EMCN: variants seen among roughly 807,000 people sequenced by gnomAD.
The protein encoded by EMCN is endomucin, also known as MUC-14.
A neutral mutation model predicts 38.4 loss-of-function variants in EMCN; 37 were observed. The observed-to-expected ratio is 0.96, with a 90% CI of 0.74 to 1.27. The LOEUF is 1.27. EMCN is among the 50% of genes most tolerant of loss of function. EMCN has a pLI of 0.00. For synonymous variants in EMCN, 95 were observed against 100.8 expected, an observed-to-expected ratio of 0.94 and a Z score of 0.35; for missense variants, 318 against 302.8, an observed-to-expected ratio of 1.05 and a Z score of -0.37.
chr4:100,515,703 T>C (rs1486387200), intron 1 of EMCN, among the ~76,000 whole-genome samples: 2 of 152,100 alleles, frequency 1.3e-5, no homozygotes, highest in Non-Finnish European at 2.9e-5. Flanking sequence ...TGATGAAATA[T>C]GTTAATCATT....
intron 7 of EMCN, among the ~76,000 whole-genome samples, chr4:100,422,061 T>C (rs1726904599): frequency 6.6e-6 from 1 of 151,962 alleles, no homozygotes; most frequent in Non-Finnish European, 1.5e-5. Flanking sequence ...ATTTCCAAGG[T>C]TAAAAGTACA....
intron 11 of EMCN, among the ~76,000 whole-genome samples, chr4:100,407,148 A>G (rs1315575658): frequency 6.6e-6 from 1 of 152,174 alleles, no homozygotes; most frequent in African/African-American, 2.4e-5. Context: ...TAAAGACAGC[A>G]TACACTTGGG....
chr4:100,423,474 T>C, intron 5 of EMCN, 70 bp from the exon 6 acceptor site: 1 of 1,094,722 alleles, frequency 9.1e-7, no homozygotes, highest in East Asian at 2.4e-5. Context: ...CTTTGCAGAT[T>C]CAAACAGTTT....
At chr4:100,425,187 T>A (rs1025087693) in intron 5 of EMCN, among the ~76,000 whole-genome samples, 4 of 45,582 alleles carry the variant, frequency 8.8e-5, no homozygotes, top group Admixed American at 6.3e-4. Flanking sequence ...ACACACACAA[T>A]TACTGCTCAT....
intron 1 of EMCN, among the ~76,000 whole-genome samples, chr4:100,517,271 A>G (rs1474938418): frequency 6.6e-6 from 1 of 151,964 alleles, no homozygotes; most frequent in Non-Finnish European, 1.5e-5. Flanking sequence ...ATGTATGTAT[A>G]TGTTTAGATA....
chr4:100,419,326 G>C (rs987127640), intron 8 of EMCN, among the ~76,000 whole-genome samples: 5 of 152,062 alleles, frequency 3.3e-5, no homozygotes, highest in Non-Finnish European at 5.9e-5. Flanking sequence ...GTGATTAACT[G>C]CAGGTATTTA....
chr4:100,423,093 A>G lies in EMCN; in HGVS notation c.509-13T>C. On this transcript the variant is annotated splice_polypyrimidine_tract_variant and intron_variant, in intron 6 of 11. Transcript: ENST00000296420. ...TCAGTGCCTATTACTTTAAGAAAGA[A>G]AAAAACAAGTCACTTTTGGTTAATG... is the stretch of plus-strand genomic sequence containing the variant. 6.2e-7 allele frequency: 1 copy of G among 1,612,872 alleles called. No individual in the cohort carries two copies. The highest frequency in any genetic ancestry group is 8.5e-7 in the Non-Finnish European group (1 of 1,179,220).
At chr4:100,492,387 CT>C (rs1422951536) in intron 1 of EMCN, among the ~76,000 whole-genome samples, 1 of 151,954 alleles carries the variant, frequency 6.6e-6, no homozygotes, top group Non-Finnish European at 1.5e-5. Flanking sequence ...TGAAAAAAGC[CT>C]GTAGCAATTG....
At chr4:100,416,036 C>CA in intron 9 of EMCN, 77 bp from the exon 10 acceptor site, 3 of 936,808 alleles carry the variant, frequency 3.2e-6, no homozygotes. Flanking sequence ...GTGACACAAA[C>CA]AGAATGACGA....
intron 4 of EMCN, among the ~76,000 whole-genome samples, chr4:100,455,451 A>G (rs1477995840): frequency 2.0e-5 from 3 of 150,874 alleles, no homozygotes; most frequent in East Asian, 1.9e-4. Flanking sequence ...CTTTACTGAT[A>G]TGAATTTCGC....
At chr4:100,400,585 A>G (rs977168445) in intron 11 of EMCN, among the ~76,000 whole-genome samples, 8 of 152,160 alleles carry the variant, frequency 5.3e-5, no homozygotes, top group African/African-American at 1.9e-4. Flanking sequence ...CTGGGATAGT[A>G]CTTGACAAGG....
intron 1 of EMCN, among the ~76,000 whole-genome samples, chr4:100,488,516 T>G (rs898360054): frequency 6.6e-6 from 1 of 152,224 alleles, no homozygotes; most frequent in African/African-American, 2.4e-5. Flanking sequence ...GGAATTTTCT[T>G]TTCACCATAG....
At position 100,410,358 on chromosome 4, in the gene EMCN, G is replaced by A; in HGVS notation, c.752-3C>T. On this transcript the variant is annotated splice_polypyrimidine_tract_variant and splice_region_variant and intron_variant, in intron 10 of 11. Coordinates refer to ENST00000296420, the MANE Select transcript of EMCN (RefSeq NM_016242.4). ...TTTTCCTTGTGCAGAGTGCTCACCT[G>A]AGAACAGAAGATATGTTTTGATCTG... is the stretch of plus-strand genomic sequence containing the variant. 1 of 1,613,476 alleles carries A rather than the reference G, an allele frequency of 6.2e-7. No individual in the cohort carries two copies.
intron 10 of EMCN, among the ~76,000 whole-genome samples, chr4:100,414,813 A>G (rs1047006640): frequency 1.3e-5 from 2 of 152,242 alleles, no homozygotes; most frequent in South Asian, 2.1e-4. Flanking sequence ...AGAAATATTT[A>G]TAATATAGCT....
At chr4:100,455,974 T>C (rs1728006578) in intron 4 of EMCN, among the ~76,000 whole-genome samples, 1 of 152,106 alleles carries the variant, frequency 6.6e-6, no homozygotes, top group African/African-American at 2.4e-5. Flanking sequence ...TTTGTATTTT[T>C]TGTAGAGACA....
chr4:100,475,054 T>C lies in EMCN; in HGVS notation c.243A>G (p.Leu81=). ...KMSLMSTATF[L]TSKDEGLKAT... is the part of the protein sequence containing the mutation. ...ATTACTCACCTTCATCTTTACTTGT[T>C]AAAAAAGTAGCTGTTGACATCAGAG... is the stretch of plus-strand genomic sequence containing the variant. Residue 81 remains leucine, a synonymous_variant, in exon 3 of 12, where the codon TTA becomes TTG. Transcript: ENST00000296420. 6.5e-7 allele frequency: 1 copy of C among 1,534,746 alleles called. No individual in the cohort carries two copies. The highest frequency in any genetic ancestry group is 8.9e-7 in the Non-Finnish European group (1 of 1,129,710).
At chr4:100,468,301 C>T (rs551898573) in intron 3 of EMCN, among the ~76,000 whole-genome samples, 147 of 152,146 alleles carry the variant, frequency 9.7e-4, no homozygotes, top group Non-Finnish European at 1.8e-3. Flanking sequence ...GAATTGTTAA[C>T]GTGTAATTTA....
intron 5 of EMCN, among the ~76,000 whole-genome samples, chr4:100,438,588 T>G (rs1727420665): frequency 6.6e-6 from 1 of 152,026 alleles, no homozygotes; most frequent in Admixed American, 6.6e-5. Context: ...TTTCCTTGTA[T>G]GATTGCTCGT....
chr4:100,503,002 A>G (rs1055367302), intron 1 of EMCN, among the ~76,000 whole-genome samples: 3 of 152,150 alleles, frequency 2.0e-5, no homozygotes, highest in African/African-American at 7.2e-5. Context: ...GGATTGGTCT[A>G]TACCATTTTT....
Sources: allele counts gnomAD v4.1 joint callset (sites outside exome capture counted in the v4.1 genomes callset), GRCh38; gene constraint gnomAD v4.1.1; transcripts MANE v1.5; gene names NCBI Gene and HGNC (gene_info 2026-07-23, HGNC 2026-07-21).